Variants in FGF4 observed in about 807,000 individuals in gnomAD.
The protein encoded by FGF4 is fibroblast growth factor 4, also known as heparin secretory transforming protein 1.
A neutral mutation model predicts 15.7 loss-of-function variants in FGF4; 9 were observed. That is an observed-to-expected ratio of 0.57 (90% CI 0.35 to 1.00). FGF4 has a LOEUF of 1.00. Ranked by LOEUF, FGF4 falls within the 50% of genes least tolerant of loss-of-function variation. The pLI, the probability that FGF4 is intolerant of heterozygous loss-of-function variation, is 0.02. For missense variants in FGF4, 286 were observed against 297.3 expected (o/e 0.96, Z 0.28); for synonymous variants, 164 against 144.8 (o/e 1.13, Z -0.95).
Position 69,774,170 on chromosome 11 carries a change from G to T in FGF4, c.341-43C>A, listed in dbSNP as rs894717748. 4 of 1,457,416 alleles carry T rather than the reference G, an allele frequency of 2.7e-6. No individual in the cohort carries two copies. The African/African-American group carries it at 4.2e-5, about 15-fold the overall frequency. The allele number at this position is 1,457,416 out of a possible 1,614,324, so 90.3% of individuals were successfully genotyped here. A position where few individuals can be genotyped will look rare whatever the true frequency, so the allele number is the denominator to read the frequency against. On this transcript the variant is annotated intron_variant, in intron 1 of 2. Coordinates refer to ENST00000168712, the MANE Select transcript of FGF4 (RefSeq NM_002007.4). ...GTCATTGCGGGGCAGGTGATCCCTG[G>T]CCCACTCCGCCCCTCGGCTTGTTCG... is the stretch of plus-strand genomic sequence containing the variant.
intron 1 of FGF4, 111 bp from the exon 2 acceptor site, chr11:69,774,238 GC>G: frequency 1.1e-6 from 1 of 889,782 alleles, no homozygotes; most frequent in Non-Finnish European, 1.7e-6. Context: ...GGGATAAAGG[GC>G]CAGGGTTCCC....
In FGF4 at chr11:69,772,946, G is replaced by A. The variant is rs1855589671; in HGVS notation, c.*363C>T. 3 of 233,958 alleles carry A rather than the reference G, an allele frequency of 1.3e-5. No individual in the cohort carries two copies. The highest frequency in any genetic ancestry group is 2.0e-4 in the South Asian group (2 of 10,000). The allele number at this position is 233,958 out of a possible 1,614,324, so 14.5% of individuals were successfully genotyped here. On this transcript the variant is annotated 3_prime_UTR_variant, in exon 3 of 3. Transcript: ENST00000168712. ...GCCTTTCCAGACAGAGATGCTCCACGCCATACTACAGGGGATGACATCGGA... is the reference window on the plus strand; with the variant it reads ...GCCTTTCCAGACAGAGATGCTCCACACCATACTACAGGGGATGACATCGGA...
rs556129370 is a variant in FGF4, at chr11:69,774,270, C to T, written c.341-143G>A. On this transcript the variant is annotated intron_variant, in intron 1 of 2. Coordinates refer to ENST00000168712, the MANE Select transcript of FGF4 (RefSeq NM_002007.4). ...TTCCCGGCGCAGCCGCCCCCAAGGG[C>T]CTCCAGAGCCCAAGCTGCCCTCTAG... 836 of 660,104 alleles carry T rather than the reference C, an allele frequency of 1.3e-3. 6 individuals are homozygous for T. The African/African-American group carries it at 0.014, about 11-fold the overall frequency. 40.9% of individuals were successfully genotyped at this position (660,104 alleles called of 1,614,324 possible). A position where few individuals can be genotyped will look rare whatever the true frequency, so the allele number is the denominator to read the frequency against.
rs759866513 is a variant in FGF4, at chr11:69,774,848, G to T, written c.237C>A (p.Gly79=). The change falls in exon 1 of 3, where the codon GGC becomes GGA. Residue 79 remains glycine, a synonymous_variant. Transcript: ENST00000168712. ...VQSGAGDYLL[G]IKRLRRLYCN... is the part of the protein sequence containing the mutation. ...AGTAGAGCCGCCGCAGCCGCTTGAT[G>T]CCCAGCAGGTAGTCGCCGGCGCCGC... The T allele has an allele frequency of 9.9e-6, 15 of 1,522,398 alleles. No individual in the cohort carries two copies. The highest frequency in any genetic ancestry group is 2.0e-5 in the Admixed American group (1 of 50,318). The allele number at this position is 1,522,398 out of a possible 1,614,324, so 94.3% of individuals were successfully genotyped here. A position where few individuals can be genotyped will look rare whatever the true frequency, so the allele number is the denominator to read the frequency against.
In FGF4 at chr11:69,775,269, C is replaced by A. The variant is rs2119834937; in HGVS notation, c.-185G>T. The A allele has an allele frequency of 2.5e-6, 1 of 394,742 alleles. No homozygotes were observed. Among genetic ancestry groups the A allele is most frequent in the East Asian group, 3.7e-5 (1 of 27,050 alleles). 24.5% of individuals were successfully genotyped at this position (394,742 alleles called of 1,614,324 possible). On this transcript the variant is annotated 5_prime_UTR_variant, in exon 1 of 3. Transcript: ENST00000168712. ...CGGGCTCTACCCCGGCTGCATGGAGCGGCGAGCCGGGCGGAAAGCGCGCGG... is the reference window on the plus strand; with the variant it reads ...CGGGCTCTACCCCGGCTGCATGGAGAGGCGAGCCGGGCGGAAAGCGCGCGG...
chr11:69,774,176 T>A (rs1216135632), intron 1 of FGF4, 49 bp from the exon 2 acceptor site: 1 of 1,454,956 alleles, frequency 6.9e-7, no homozygotes, highest in African/African-American at 1.4e-5. Context: ...CCTGGCCCAC[T>A]CCGCCCCTCG....
Position 69,773,135 on chromosome 11 carries a change from C to G in FGF4, c.*174G>C. On this transcript the variant is annotated 3_prime_UTR_variant, in exon 3 of 3. Transcript: ENST00000168712. ...TCCCCCCAGAAAATTAAAAAACACACCCGCAGAACTATAAATAATTTGGTG... is the reference window on the plus strand; with the variant it reads ...TCCCCCCAGAAAATTAAAAAACACAGCCGCAGAACTATAAATAATTTGGTG... The G allele has an allele frequency of 1.9e-6, 1 of 530,920 alleles. No individual in the cohort carries two copies. The highest frequency in any genetic ancestry group is 3.5e-5 in the Admixed American group (1 of 28,982). 32.9% of individuals were successfully genotyped at this position (530,920 alleles called of 1,614,324 possible).
chr11:69,773,423 G>A lies in FGF4; in HGVS notation c.507C>T (p.Tyr169=), dbSNP rs769378385. Residue 169 remains tyrosine (Y), a synonymous_variant, in exon 3 of 3, where the codon TAC becomes TAT. Coordinates refer to ENST00000168712, the MANE Select transcript of FGF4 (RefSeq NM_002007.4). ...EILLPNNYNA[Y]ESYKYPGMFI... is the part of the protein sequence containing the mutation. ...ACATGCCGGGGTACTTGTAGGACTCGTAGGCGTTGTAGTTGTTGGGAAGGA... is the reference window on the plus strand; with the variant it reads ...ACATGCCGGGGTACTTGTAGGACTCATAGGCGTTGTAGTTGTTGGGAAGGA... 12 of 1,614,012 alleles carry A rather than the reference G, an allele frequency of 7.4e-6. No individual in the cohort carries two copies. Among genetic ancestry groups the A allele is most frequent in the East Asian group, 2.2e-5 (1 of 44,866 alleles).
Position 69,773,296 on chromosome 11 carries a change from G to C in FGF4, c.*13C>G, listed in dbSNP as rs1425579751. On this transcript the variant is annotated 3_prime_UTR_variant, in exon 3 of 3. Transcript: ENST00000168712. ...GGGGCTTCCCGAGGCTGAGGCAAGG[G>C]TCCTCTGGAGGGTCACAGCCTGGGG... 8.7e-6 allele frequency: 14 copies of C among 1,613,482 alleles called. No individual in the cohort carries two copies. The highest frequency in any genetic ancestry group is 1.2e-5 in the Non-Finnish European group (14 of 1,179,598).
Position 69,775,057 on chromosome 11 carries a change from C to A in FGF4, c.28G>T (p.Ala10Ser). The A allele has an allele frequency of 7.4e-7, 1 of 1,356,638 alleles. No individual in the cohort carries two copies. Among genetic ancestry groups the A allele is most frequent in the Non-Finnish European group, 9.4e-7 (1 of 1,064,596 alleles). The allele number at this position is 1,356,638 out of a possible 1,614,324, so 84.0% of individuals were successfully genotyped here. A position where few individuals can be genotyped will look rare whatever the true frequency, so the allele number is the denominator to read the frequency against. ...GCCAGCAGGACCGCCGGGAGCAGCG[C>A]TACCGCGGCCGTCCCGGGCCCCGAC... Reference protein sequence around the residue: MSGPGTAAVALLPAVLLALL... With the variant: MSGPGTAAVSLLPAVLLALL... The change falls in exon 1 of 3, where the codon GCG (alanine) becomes TCG (serine). Residue 10 changes from alanine to serine, a missense_variant. Coordinates refer to ENST00000168712, the MANE Select transcript of FGF4 (RefSeq NM_002007.4).
chr11:69,775,228 C>T lies in FGF4; in HGVS notation c.-144G>A. 2 of 504,396 alleles carry T rather than the reference C, an allele frequency of 4.0e-6. No individual in the cohort carries two copies. The highest frequency in any genetic ancestry group is 6.2e-6 in the Non-Finnish European group (2 of 324,474). 31.2% of individuals were successfully genotyped at this position (504,396 alleles called of 1,614,324 possible). A position where few individuals can be genotyped will look rare whatever the true frequency, so the allele number is the denominator to read the frequency against. ...CCGAGGAGGTGCGGGAGGCAAGCGA[C>T]GGGGCCCCCGGGCGCCGGGCTCTAC... On this transcript the variant is annotated 5_prime_UTR_variant, in exon 1 of 3. Coordinates refer to ENST00000168712, the MANE Select transcript of FGF4 (RefSeq NM_002007.4).
Position 69,773,280 on chromosome 11 carries a change from C to T in FGF4, c.*29G>A, listed in dbSNP as rs1855595248. ...CGGCACTGCCCTCCCAGGGGCTTCC[C>T]GAGGCTGAGGCAAGGGTCCTCTGGA... On this transcript the variant is annotated 3_prime_UTR_variant, in exon 3 of 3. Coordinates refer to ENST00000168712, the MANE Select transcript of FGF4 (RefSeq NM_002007.4). The T allele has an allele frequency of 2.5e-6, 4 of 1,611,040 alleles. No homozygotes were observed. Among genetic ancestry groups the T allele is most frequent in the East Asian group, 2.2e-5 (1 of 44,848 alleles).
Position 69,772,279 on chromosome 11 carries a change from G to A in FGF4, c.*1030C>T, listed in dbSNP as rs1332730147. ...GTAGATGTTAAACGCACTTAAACAG[G>A]GAATGCATCAGAAAGCAGCAGGCTG... is the stretch of plus-strand genomic sequence containing the variant. On this transcript the variant is annotated 3_prime_UTR_variant, in exon 3 of 3. Transcript: ENST00000168712. 2.6e-5 allele frequency: 4 copies of A among 152,166 alleles called. No homozygotes were observed. Among genetic ancestry groups the A allele is most frequent in the Admixed American group, 2.6e-4 (4 of 15,278 alleles). 9.4% of individuals were successfully genotyped at this position (152,166 alleles called of 1,614,324 possible). A position where few individuals can be genotyped will look rare whatever the true frequency, so the allele number is the denominator to read the frequency against.
rs1590950539 is a variant in FGF4 at position 69,772,640 on chromosome 11, G to A, written c.*669C>T. ...AATAGTCACAGCGATGGGGGCTGTCGCTGATCCAAAAAAGGCAAACAGGAG... is the reference window on the plus strand; with the variant it reads ...AATAGTCACAGCGATGGGGGCTGTCACTGATCCAAAAAAGGCAAACAGGAG... On this transcript the variant is annotated 3_prime_UTR_variant, in exon 3 of 3. Transcript: ENST00000168712. 1 of 152,294 alleles carries A rather than the reference G, an allele frequency of 6.6e-6. No homozygotes were observed. Among genetic ancestry groups the A allele is most frequent in the South Asian group, 2.1e-4 (1 of 4,828 alleles). The allele number at this position is 152,294 out of a possible 1,614,324, so 9.4% of individuals were successfully genotyped here. A position where few individuals can be genotyped will look rare whatever the true frequency, so the allele number is the denominator to read the frequency against.
At position 69,775,172 on chromosome 11, in the gene FGF4, C is replaced by A; in HGVS notation, c.-88G>T. On this transcript the variant is annotated 5_prime_UTR_variant, in exon 1 of 3. Coordinates refer to ENST00000168712, the MANE Select transcript of FGF4 (RefSeq NM_002007.4). ...CTGCGCCTGTGGCGTCCCGCGGGAG[C>A]GCACGGCCGACCTCGGGCAGGAGTG... 1.1e-6 allele frequency: 1 copy of A among 940,004 alleles called. No individual in the cohort carries two copies. The highest frequency in any genetic ancestry group is 1.4e-6 in the Non-Finnish European group (1 of 718,986). 58.2% of individuals were successfully genotyped at this position (940,004 alleles called of 1,614,324 possible).
intron 1 of FGF4, among the ~76,000 whole-genome samples, 176 bp downstream of exon 1, chr11:69,774,569 C>T (rs1024996777): frequency 3.3e-5 from 5 of 152,114 alleles, no homozygotes; most frequent in Non-Finnish European, 7.4e-5. Flanking sequence ...GCTGCCGGAG[C>T]CAAGAGTGTC....
Position 69,774,959 on chromosome 11 carries a change from C to G in FGF4, c.126G>C (p.Glu42Asp). 4 of 1,476,234 alleles carry G rather than the reference C, an allele frequency of 2.7e-6. No individual in the cohort carries two copies. Among genetic ancestry groups the G allele is most frequent in the Non-Finnish European group, 3.6e-6 (4 of 1,121,364 alleles). The allele number at this position is 1,476,234 out of a possible 1,614,324, so 91.4% of individuals were successfully genotyped here. ...PTAPNGTLEA[E>D]LERRWESLVA... ...CCAGGCTCTCCCAGCGGCGCTCCAG[C>G]TCGGCCTCCAGCGTGCCGTTGGGTG... The change falls in exon 1 of 3, where the codon GAG becomes GAC. Residue 42 changes from glutamate (E) to aspartate (D), a missense_variant. By Grantham distance (45) the Glu-to-Asp change is conservative. Transcript: ENST00000168712.
intron 2 of FGF4, 60 bp from the exon 3 acceptor site, chr11:69,773,545 G>C (rs576648614): frequency 1.3e-6 from 2 of 1,549,140 alleles, no homozygotes; most frequent in South Asian, 2.2e-5. Context: ...TACCCAGCCT[G>C]AAGCCAGGGG....
In FGF4 at chr11:69,774,131, G is replaced by T; in HGVS notation, c.341-4C>A. On this transcript the variant is annotated splice_polypyrimidine_tract_variant and splice_region_variant and intron_variant, in intron 1 of 2. Coordinates refer to ENST00000168712, the MANE Select transcript of FGF4 (RefSeq NM_002007.4). ...ACGGGCGAGAGCTCCAGCAGGCCTG[G>T]GGGCGGGGCGCAGGTCATTGCGGGG... The T allele has an allele frequency of 1.2e-6, 2 of 1,609,624 alleles. No homozygotes were observed. The highest frequency in any genetic ancestry group is 1.7e-6 in the Non-Finnish European group (2 of 1,178,614).
Sources: allele counts gnomAD v4.1 joint callset (sites outside exome capture counted in the v4.1 genomes callset), GRCh38; gene constraint gnomAD v4.1.1; transcripts MANE v1.5; gene names NCBI Gene and HGNC (gene_info 2026-07-23, HGNC 2026-07-21).